ABCG8: variants seen among roughly 807,000 people sequenced by gnomAD.
ABCG8 encodes ATP binding cassette subfamily G member 8.
Under a neutral mutation model 71.3 loss-of-function variants are expected in ABCG8, and 81 were observed. That is an observed-to-expected ratio of 1.14 (90% CI 0.95 to 1.37). The LOEUF (loss-of-function observed/expected upper bound fraction) is 1.37. Among genes scored for constraint, ABCG8 ranks in the 40% most tolerant of loss-of-function variants. The probability of loss-of-function intolerance (pLI) is 0.00; values close to 1 mark genes in which losing one functional copy is unlikely to be tolerated. For missense variants in ABCG8, 1,119 were observed against 866.2 expected, an observed-to-expected ratio of 1.29 and a Z score of -3.66; for synonymous variants, 451 against 354.7, an observed-to-expected ratio of 1.27 and a Z score of -3.05.
At chr2:43,870,033 A>G (rs1030777321) in intron 6 of ABCG8, among the ~76,000 whole-genome samples, 24 of 151,546 alleles carry the variant, frequency 1.6e-4, no homozygotes, top group African/African-American at 4.6e-4. Context: ...AACTCTCAGT[A>G]TCTGGATAGA....
chr2:43,849,782 A>G (rs558745481), intron 3 of ABCG8, among the ~76,000 whole-genome samples: 1 of 152,208 alleles, frequency 6.6e-6, no homozygotes, highest in African/African-American at 2.4e-5. Context: ...TGTTCCACTC[A>G]TGTTCTCAGG....
At chr2:43,851,254 A>G (rs1239984528) in intron 3 of ABCG8, among the ~76,000 whole-genome samples, 1 of 152,162 alleles carries the variant, frequency 6.6e-6, no homozygotes, top group Middle Eastern at 3.2e-3. Context: ...GGAGGGGACA[A>G]ATGCTCCAGG....
chr2:43,872,568 TA>T (rs1465760516), intron 8 of ABCG8, among the ~76,000 whole-genome samples: 3 of 151,950 alleles, frequency 2.0e-5, no homozygotes, highest in African/African-American at 7.3e-5. Flanking sequence ...CAAAAAATTA[TA>T]AAAAGTAGCC....
At chr2:43,846,775 A>C in intron 3 of ABCG8, 1 of 213,140 alleles carries the variant, frequency 4.7e-6, no homozygotes, top group Non-Finnish European at 9.6e-6. Flanking sequence ...CTCATCTGCA[A>C]AGAGCCAGGT....
chr2:43,875,248 C>T lies in ABCG8; in HGVS notation c.1591C>T (p.His531Tyr). The T allele has an allele frequency of 5.6e-6, 9 of 1,614,262 alleles. No individual in the cohort carries two copies. The highest frequency in any genetic ancestry group is 1.1e-5 in the South Asian group (1 of 91,090). Residue 531 changes from histidine to tyrosine, a missense_variant, in exon 11 of 13, where the codon CAC becomes TAC. By Grantham distance (83) the His-to-Tyr change is moderately conservative (BLOSUM62 2). Coordinates refer to ENST00000272286, the MANE Select transcript of ABCG8 (RefSeq NM_022437.3). ...LRPGLQPFLL[H>Y]FLLVWLVVFC... ...GCCAGGCCTCCAGCCCTTCCTGCTG[C>T]ACTTCCTGCTGGTGTGGCTGGTGGT...
chr2:43,851,824 T>TAG lies in ABCG8; in HGVS notation c.561+3_561+4insGA. 6.2e-7 allele frequency: 1 copy of TAG among 1,613,804 alleles called. No individual in the cohort carries two copies. Among genetic ancestry groups the TAG allele is most frequent in the South Asian group, 1.1e-5 (1 of 91,060 alleles). On this transcript the variant is annotated splice_region_variant and intron_variant, in intron 4 of 12. Transcript: ENST00000272286. ...TCCCAGGCCCAGCGTGACAAAAGGG[T>TAG]AACTAACTGGCCCCAGTGGTGACCC...
chr2:43,853,288 G>A (rs1668990154), intron 6 of ABCG8, among the ~76,000 whole-genome samples: 1 of 152,228 alleles, frequency 6.6e-6, no homozygotes, highest in Non-Finnish European at 1.5e-5. Context: ...GGCAGAGGGG[G>A]GCCCAGGGTG....
At chr2:43,842,696 T>C (rs1446469697) in intron 1 of ABCG8, among the ~76,000 whole-genome samples, 4 of 152,078 alleles carry the variant, frequency 2.6e-5, no homozygotes, top group East Asian at 3.9e-4. Flanking sequence ...ATCCCCGCAC[T>C]CCTACTGTGT....
At position 43,878,226 on chromosome 2, in the gene ABCG8, G is replaced by C. The variant is rs905728574; in HGVS notation, c.*313G>C. 7.6e-6 allele frequency: 3 copies of C among 397,194 alleles called. No individual in the cohort carries two copies. Among genetic ancestry groups the C allele is most frequent in the Non-Finnish European group, 1.4e-5 (3 of 207,828 alleles). 24.6% of individuals were successfully genotyped at this position (397,194 alleles called of 1,614,324 possible). A position where few individuals can be genotyped will look rare whatever the true frequency, so the allele number is the denominator to read the frequency against. The stretch of plus-strand genomic sequence containing the variant: ...TATATAGGCAACTCGATATAGGATG[G>C]GAGCAAACTAGGAATGAATTGGGTA... On this transcript the variant is annotated 3_prime_UTR_variant, in exon 13 of 13. Coordinates refer to ENST00000272286, the MANE Select transcript of ABCG8 (RefSeq NM_022437.3).
At chr2:43,848,987 A>C (rs186647117) in intron 3 of ABCG8, among the ~76,000 whole-genome samples, 44 of 144,890 alleles carry the variant, frequency 3.0e-4, no homozygotes, top group African/African-American at 9.2e-4. Context: ...GCACCATTGC[A>C]CTCCAGCCTG....
chr2:43,852,836 G>A lies in ABCG8; in HGVS notation c.932G>A (p.Cys311Tyr). The change falls in exon 6 of 13, where the codon TGT (cysteine) becomes TAT (tyrosine). Residue 311 changes from cysteine (C) to tyrosine (Y), a missense_variant. Cys to Tyr is a radical substitution (Grantham distance 194). Transcript: ENST00000272286. ...VQYFTAIGYP[C>Y]PRYSNPADFY... ...TATTTCACAGCCATCGGCTACCCCT[G>A]TCCTCGCTACAGCAATCCTGCTGAC... 6.2e-7 allele frequency: 1 copy of A among 1,614,110 alleles called. No homozygotes were observed. The highest frequency in any genetic ancestry group is 1.1e-5 in the South Asian group (1 of 91,078).
intron 6 of ABCG8, among the ~76,000 whole-genome samples, chr2:43,859,048 C>A (rs1248229170): frequency 2.0e-5 from 3 of 151,540 alleles, no homozygotes; most frequent in African/African-American, 7.3e-5. Context: ...TTCTCACCAT[C>A]TGGATAGAAC....
chr2:43,868,229 C>T (rs1054281391), intron 6 of ABCG8, among the ~76,000 whole-genome samples: 13 of 151,794 alleles, frequency 8.6e-5, no homozygotes, highest in Admixed American at 7.2e-4. Context: ...CTGGATAGAC[C>T]TCTCACTAGC....
At chr2:43,865,344 C>T (rs973566699) in intron 6 of ABCG8, among the ~76,000 whole-genome samples, 8 of 137,506 alleles carry the variant, frequency 5.8e-5, no homozygotes, top group African/African-American at 2.2e-4. Context: ...AGAATTCTCA[C>T]CCTCTGGATA....
At position 43,882,298 on chromosome 2, in the gene ABCG8, G is replaced by C. The variant is rs1436884352; in HGVS notation, c.*4385G>C. 1 of 152,158 alleles carries C rather than the reference G, an allele frequency of 6.6e-6. No individual in the cohort carries two copies. The highest frequency in any genetic ancestry group is 2.4e-5 in the African/African-American group (1 of 41,414). 9.4% of individuals were successfully genotyped at this position (152,158 alleles called of 1,614,324 possible). A position where few individuals can be genotyped will look rare whatever the true frequency, so the allele number is the denominator to read the frequency against. ...GTCATGATCCCAAATTAAACAACTAGCAACAGAAATGTTCAAATCTGTCAA... is the reference window on the plus strand; with the variant it reads ...GTCATGATCCCAAATTAAACAACTACCAACAGAAATGTTCAAATCTGTCAA... On this transcript the variant is annotated 3_prime_UTR_variant, in exon 13 of 13. Coordinates refer to ENST00000272286, the MANE Select transcript of ABCG8 (RefSeq NM_022437.3).
chr2:43,875,164 G>C lies in ABCG8; in HGVS notation c.1507G>C (p.Glu503Gln). 6.2e-7 allele frequency: 1 copy of C among 1,614,202 alleles called. No individual in the cohort carries two copies. The highest frequency in any genetic ancestry group is 8.5e-7 in the Non-Finnish European group (1 of 1,180,036). The change falls in exon 11 of 13, where the codon GAG (glutamate) becomes CAG (glutamine). Residue 503 changes from glutamate to glutamine, a missense_variant. Transcript: ENST00000272286. The stretch of plus-strand genomic sequence containing the variant: ...TTTGCAGATCCTCGGGGAGCTTCCG[G>C]AGCACTGTGCCTACATCATCATCTA... ...FFAKILGELP[E>Q]HCAYIIIYGM...
intron 6 of ABCG8, among the ~76,000 whole-genome samples, chr2:43,870,302 T>C (rs1231201884): frequency 3.3e-5 from 5 of 152,102 alleles, no homozygotes; most frequent in Admixed American, 3.3e-4. Flanking sequence ...ACTATCTGGA[T>C]AGAATTCTAA....
chr2:43,851,553 G>C (rs368514874), intron 3 of ABCG8, 31 bp from the exon 4 acceptor site: 2 of 1,612,310 alleles, frequency 1.2e-6, no homozygotes, highest in Non-Finnish European at 1.7e-6. Flanking sequence ...CAGAAGCTCC[G>C]CTCTCAGGGA....
intron 6 of ABCG8, among the ~76,000 whole-genome samples, chr2:43,856,310 C>G (rs555565490): frequency 6.6e-6 from 1 of 151,672 alleles, no homozygotes; most frequent in Non-Finnish European, 1.5e-5. Flanking sequence ...CTCTCACTCT[C>G]TTTGTGGATA....
Sources: allele counts gnomAD v4.1 joint callset (sites outside exome capture counted in the v4.1 genomes callset), GRCh38; gene constraint gnomAD v4.1.1; transcripts MANE v1.5; gene names NCBI Gene and HGNC (gene_info 2026-07-23, HGNC 2026-07-21).